SLURP2: variants seen among roughly 807,000 people sequenced by gnomAD.
SLURP2 encodes secreted LY6/PLAUR domain containing 2.
A neutral mutation model predicts 9.8 loss-of-function variants in SLURP2; 4 were observed. The observed-to-expected ratio is 0.41, with a 90% CI of 0.20 to 0.94. SLURP2 has a LOEUF of 0.94. Ranked by LOEUF, SLURP2 falls within the 40% of genes least tolerant of loss-of-function variation. The pLI is 0.32. For missense variants in SLURP2, 118 were observed against 126.4 expected, an observed-to-expected ratio of 0.93 and a Z score of 0.32; for synonymous variants, 58 against 56.2, an observed-to-expected ratio of 1.03 and a Z score of -0.15.
chr8:142,768,560 G>A lies in SLURP2; in HGVS notation c.52+1195C>T, dbSNP rs2130079279. Reference sequence around the variant, plus strand: ...AGCCCTGGTGCAGGGAAGGGCCTCTGGGTCAGAGGGGAGTCCGTGGGCACC... The same window carrying A: ...AGCCCTGGTGCAGGGAAGGGCCTCTAGGTCAGAGGGGAGTCCGTGGGCACC... On this transcript the variant is annotated intron_variant, in intron 1 of 2. Coordinates refer to ENST00000317543, the MANE Select transcript of SLURP2 (RefSeq NM_177458.3). This position sits in a 1 kb window ranked among gnomAD's most constrained non-coding sequence, Gnocchi z 4.8. Among the ~76,000 whole-genome samples the A allele has an allele frequency of 6.6e-6, 1 of 152,266 alleles. No homozygotes were observed. The highest frequency in any genetic ancestry group is 2.4e-5 in the African/African-American group (1 of 41,556).
intron 1 of SLURP2, among the ~76,000 whole-genome samples, chr8:142,769,006 G>A (rs1815088940): frequency 6.6e-6 from 1 of 152,118 alleles, no homozygotes; most frequent in African/African-American, 2.4e-5. Context: ...GCAGATCAAG[G>A]GGCCAGCTGG....
In SLURP2 at chr8:142,768,357, G is replaced by T. The variant is rs1207932581; in HGVS notation, c.52+1398C>A. Reference sequence around the variant, plus strand: ...CCCGTGCTGGCTCTGAAGCAGGCTGGCCCCTCGGGGAGATTGTGCTGTCCA... The same window carrying T: ...CCCGTGCTGGCTCTGAAGCAGGCTGTCCCCTCGGGGAGATTGTGCTGTCCA... On this transcript the variant is annotated intron_variant, in intron 1 of 2. Coordinates refer to ENST00000317543, the MANE Select transcript of SLURP2 (RefSeq NM_177458.3). The surrounding 1 kb of genome is among the most constrained non-coding windows in gnomAD (Gnocchi z 4.8). Among the ~76,000 whole-genome samples the T allele has an allele frequency of 6.6e-6, 1 of 152,066 alleles. No individual in the cohort carries two copies. The highest frequency in any genetic ancestry group is 2.4e-5 in the African/African-American group (1 of 41,390).
intron 1 of SLURP2, chr8:142,766,538 C>T (rs1040042704): frequency 2.0e-5 from 3 of 152,196 alleles, no homozygotes; most frequent in Admixed American, 6.5e-5. Flanking sequence ...GGCCCGTGCT[C>T]GGGAGACACT....
At chr8:142,769,309 A>G (rs1815098096) in intron 1 of SLURP2, among the ~76,000 whole-genome samples, 1 of 151,836 alleles carries the variant, frequency 6.6e-6, no homozygotes, top group African/African-American at 2.4e-5. Flanking sequence ...ATGGGAGAGC[A>G]GAGGGACTTG....
rs904462252 is a variant in SLURP2 at position 142,764,423 on chromosome 8, G to A, written c.*182C>T. The A allele has an allele frequency of 1.4e-5, 10 of 719,874 alleles. No homozygotes were observed. The highest frequency in any genetic ancestry group is 7.1e-5 in the African/African-American group (4 of 56,622). 44.6% of individuals were successfully genotyped at this position (719,874 alleles called of 1,614,324 possible). A position where few individuals can be genotyped will look rare whatever the true frequency, so the allele number is the denominator to read the frequency against. On this transcript the variant is annotated 3_prime_UTR_variant, in exon 3 of 3. Transcript: ENST00000317543. ...GGCACGATGGGCCCCAGGCTTGGAC[G>A]GCAGCAGATTGAGGCAAGACTCCAC...
chr8:142,764,894 CT>C, intron 2 of SLURP2, 141 bp downstream of exon 2: 1 of 1,150,104 alleles, frequency 8.7e-7, no homozygotes, highest in Non-Finnish European at 1.3e-6. Context: ...TGCTCATACC[CT>C]TCCCTGGGCA....
Position 142,764,470 on chromosome 8 carries a change from C to G in SLURP2, c.*135G>C, listed in dbSNP as rs865937885. ...CCACGCAGGACTTCCCTAGGACAAG[C>G]GGTGCTGGACGGTGGCTGCAGAGGC... is the stretch of plus-strand genomic sequence containing the variant. On this transcript the variant is annotated 3_prime_UTR_variant, in exon 3 of 3. Coordinates refer to ENST00000317543, the MANE Select transcript of SLURP2 (RefSeq NM_177458.3). 2.2e-6 allele frequency: 2 copies of G among 916,088 alleles called. No homozygotes were observed. Among genetic ancestry groups the G allele is most frequent in the Middle Eastern group, 2.9e-4 (1 of 3,448 alleles). The allele number at this position is 916,088 out of a possible 1,614,324, so 56.7% of individuals were successfully genotyped here.
At chr8:142,767,241 T>C (rs945305771) in intron 1 of SLURP2, among the ~76,000 whole-genome samples, 2 of 152,134 alleles carry the variant, frequency 1.3e-5, no homozygotes, top group Admixed American at 6.5e-5. Context: ...TGCCATCAGC[T>C]TTGGCCCCTC....
Position 142,764,615 on chromosome 8 carries a change from T to C in SLURP2, c.284A>G (p.Asn95Ser), listed in dbSNP as rs1281574097. The C allele has an allele frequency of 1.2e-6, 2 of 1,606,482 alleles. No individual in the cohort carries two copies. The highest frequency in any genetic ancestry group is 2.2e-5 in the South Asian group (2 of 90,502). Residue 95 changes from asparagine to serine, a missense_variant, in exon 3 of 3, where the codon AAC becomes AGC. Transcript: ENST00000317543. ...SIACCQTSLC[N>S]HD ...GGAGGAGGGCAGCCGTCAGTCATGG[T>C]TGCAGAGGCTGGTCTGGCAGCAAGC...
intron 1 of SLURP2, among the ~76,000 whole-genome samples, chr8:142,766,933 G>A (rs1306617798): frequency 6.6e-6 from 1 of 152,198 alleles, no homozygotes; most frequent in East Asian, 1.9e-4. Context: ...CCCAGCCTCA[G>A]GACACAGGAG....
chr8:142,765,967 A>C (rs111579859), intron 1 of SLURP2, among the ~76,000 whole-genome samples: 52 of 135,944 alleles, frequency 3.8e-4, no homozygotes, highest in East Asian at 1.0e-3. Flanking sequence ...CACCTCAAAA[A>C]AAAAAACAAA....
intron 2 of SLURP2, 62 bp downstream of exon 2, chr8:142,764,974 G>T: frequency 7.0e-7 from 1 of 1,422,178 alleles, no homozygotes; most frequent in Non-Finnish European, 9.7e-7. Context: ...GTCACCCTCT[G>T]AGCCCACATC....
At chr8:142,765,235 C>T in intron 1 of SLURP2, 95 bp from the exon 2 acceptor site, 1 of 935,224 alleles carries the variant, frequency 1.1e-6, no homozygotes, top group Non-Finnish European at 1.6e-6. Context: ...CACCCAGCAG[C>T]CCATGCTCCT....
chr8:142,768,609 T>C lies in SLURP2; in HGVS notation c.52+1146A>G, dbSNP rs1472591603. On this transcript the variant is annotated intron_variant, in intron 1 of 2. Transcript: ENST00000317543. The surrounding 1 kb of genome is among the most constrained non-coding windows in gnomAD (Gnocchi z 4.8). Reference sequence around the variant, plus strand: ...CCGGGCACCCAGGCAGAGGCTCCTGTGATGTGCCATCCCTGGCCTGGATGG... The same window carrying C: ...CCGGGCACCCAGGCAGAGGCTCCTGCGATGTGCCATCCCTGGCCTGGATGG... Among the ~76,000 whole-genome samples the C allele has an allele frequency of 1.3e-5, 2 of 152,064 alleles. No homozygotes were observed. The highest frequency in any genetic ancestry group is 1.5e-5 in the Non-Finnish European group (1 of 67,994).
chr8:142,765,589 A>G (rs1318350183), intron 1 of SLURP2, among the ~76,000 whole-genome samples: 1 of 152,084 alleles, frequency 6.6e-6, no homozygotes, highest in Non-Finnish European at 1.5e-5. Flanking sequence ...GGCTGCGATG[A>G]TGGGGCCGTT....
At chr8:142,764,847 G>T in intron 2 of SLURP2, 106 bp from the exon 3 acceptor site, 1 of 1,402,492 alleles carries the variant, frequency 7.1e-7, no homozygotes, top group Non-Finnish European at 1.0e-6. Context: ...CCAGGTACAT[G>T]AAGCATACGG....
At chr8:142,764,964 G>T in intron 2 of SLURP2, 72 bp downstream of exon 2, 1 of 1,361,736 alleles carries the variant, frequency 7.3e-7, no homozygotes, top group Non-Finnish European at 1.0e-6. Flanking sequence ...ATCTGGCTCT[G>T]TCACCCTCTG....
At position 142,764,658 on chromosome 8, in the gene SLURP2, C is replaced by G. The variant is rs1174265678; in HGVS notation, c.241G>C (p.Gly81Arg). 6.2e-7 allele frequency: 1 copy of G among 1,610,598 alleles called. No homozygotes were observed. The highest frequency in any genetic ancestry group is 1.7e-5 in the Admixed American group (1 of 58,744). The change falls in exon 3 of 3, where the codon GGC (glycine) becomes CGC (arginine). Residue 81 changes from glycine (G) to arginine (R), a missense_variant. Physicochemically the swap from Gly to Arg is moderately radical, Grantham distance 125. Transcript: ENST00000317543. ...GCPDIPSLGL[G>R]PYVSIACCQT... ...CAGCAAGCGATGGATACGTAGGGGC[C>G]CAGGCCCAGGCTGGGGATATCGGGG...
At chr8:142,765,171 C>T (rs745351839) in intron 1 of SLURP2, 31 bp from the exon 2 acceptor site, 81 of 1,573,574 alleles carry the variant, frequency 5.1e-5, no homozygotes, top group African/African-American at 6.7e-5. Context: ...AGGACACAAA[C>T]GGATGGGAGG....
Sources: allele counts gnomAD v4.1 joint callset (sites outside exome capture counted in the v4.1 genomes callset), GRCh38; gene constraint gnomAD v4.1.1; non-coding constraint Gnocchi (gnomAD v3.1); transcripts MANE v1.5; gene names NCBI Gene and HGNC (gene_info 2026-07-23, HGNC 2026-07-21).